The following NRXN1 variants were observed in gnomAD, a reference collection of about 807,000 sequenced individuals.
NRXN1 encodes the protein neurexin 1.
A neutral mutation model predicts 150.9 loss-of-function variants in NRXN1; 39 were observed. That is an observed-to-expected ratio of 0.26 (90% confidence interval 0.20 to 0.34). NRXN1 has a LOEUF of 0.34. NRXN1 is among the 10% of genes least tolerant of loss of function. NRXN1 has a pLI of 1.00. For missense variants in NRXN1, 1,815 were observed against 1,949.9 expected (o/e 0.93, Z 1.30); for synonymous variants, 924 against 757.0 (o/e 1.22, Z -3.62).
chr2:50,231,963 G>C (rs1472708324), intron 18 of NRXN1, among the ~76,000 whole-genome samples: 2 of 152,028 alleles, frequency 1.3e-5, no homozygotes, highest in East Asian at 3.9e-4. Context: ...ACTTAAACAT[G>C]TCTTGTGTAA....
chr2:50,509,148 G>A (rs960461614), intron 12 of NRXN1, among the ~76,000 whole-genome samples: 3 of 152,184 alleles, frequency 2.0e-5, no homozygotes, highest in African/African-American at 4.8e-5. Context: ...AAAAGTGGTA[G>A]AACCAAGTTT....
At chr2:50,107,539 ATTTT>A (rs1230095218) in intron 18 of NRXN1, among the ~76,000 whole-genome samples, 2 of 129,876 alleles carry the variant, frequency 1.5e-5, no homozygotes, top group Non-Finnish European at 3.2e-5. Context: ...ATATATATAT[ATTTT>A]TTTTTTTTAC....
intron 5 of NRXN1, among the ~76,000 whole-genome samples, chr2:50,714,297 G>C (rs1695578001): frequency 1.3e-5 from 2 of 152,132 alleles, no homozygotes; most frequent in South Asian, 4.1e-4. Context: ...CATTCAGCCA[G>C]AGGGAGGAGA....
intron 8 of NRXN1, among the ~76,000 whole-genome samples, chr2:50,593,014 G>T (rs760936815): frequency 3.9e-5 from 6 of 152,160 alleles, no homozygotes; most frequent in Non-Finnish European, 7.3e-5. Context: ...AAAGCCCCTG[G>T]CATAGGCCAA....
intron 5 of NRXN1, among the ~76,000 whole-genome samples, chr2:50,712,229 A>G (rs1312803629): frequency 6.6e-6 from 1 of 152,178 alleles, no homozygotes; most frequent in Non-Finnish European, 1.5e-5. Context: ...TATAAACATC[A>G]GGTTCCAAGT....
Position 50,187,501 on chromosome 2 carries a change from G to A in NRXN1, c.3546+49288C>T, listed in dbSNP as rs114013826. ...GCCTTTTTCTTTAAAAAAAATAGTGGTAGTTTGAAATCAGGTAGCATGATG... is the reference window on the plus strand; with the variant it reads ...GCCTTTTTCTTTAAAAAAAATAGTGATAGTTTGAAATCAGGTAGCATGATG... On this transcript the variant is annotated intron_variant, in intron 18 of 22. Coordinates refer to ENST00000401669, the MANE Select transcript of NRXN1 (RefSeq NM_001330078.2). 4.9e-3 allele frequency among the ~76,000 whole-genome samples: 739 copies of A among 151,926 alleles called. 5 individuals are homozygous for A. Among genetic ancestry groups the A allele is most frequent in the Non-Finnish European group, 7.5e-3 (512 of 67,862 alleles).
chr2:50,012,541 A>T (rs1685878739), intron 21 of NRXN1, among the ~76,000 whole-genome samples: 1 of 152,066 alleles, frequency 6.6e-6, no homozygotes, highest in Admixed American at 6.6e-5. Flanking sequence ...GCATTTTGAA[A>T]ATTTTGTCCT....
At chr2:50,936,205 C>T (rs960397272) in intron 2 of NRXN1, among the ~76,000 whole-genome samples, 2 of 152,220 alleles carry the variant, frequency 1.3e-5, no homozygotes, top group Non-Finnish European at 2.9e-5. Flanking sequence ...CAGCACCATG[C>T]TCTAACCAAC....
At chr2:49,996,332 C>G (rs1682997201) in intron 21 of NRXN1, among the ~76,000 whole-genome samples, 1 of 152,082 alleles carries the variant, frequency 6.6e-6, no homozygotes, top group Admixed American at 6.6e-5. Flanking sequence ...ATGGGATAAG[C>G]AAGGACATTA....
At chr2:50,771,062 C>T (rs1029185637) in intron 5 of NRXN1, among the ~76,000 whole-genome samples, 1 of 152,048 alleles carries the variant, frequency 6.6e-6, no homozygotes, top group Non-Finnish European at 1.5e-5. Flanking sequence ...GCCATAGTAT[C>T]ATCAGAGGAA....
At chr2:50,649,257 C>A (rs866608279) in intron 5 of NRXN1, among the ~76,000 whole-genome samples, 4 of 92,620 alleles carry the variant, frequency 4.3e-5, no homozygotes, top group Non-Finnish European at 8.9e-5. Flanking sequence ...CACATACACA[C>A]ATACACACAC....
intron 5 of NRXN1, among the ~76,000 whole-genome samples, chr2:50,830,174 A>G (rs1343805019): frequency 1.3e-5 from 2 of 152,210 alleles, no homozygotes; most frequent in East Asian, 1.9e-4. Flanking sequence ...GCTCTTCAAT[A>G]GATTCAGCTA....
intron 21 of NRXN1, among the ~76,000 whole-genome samples, chr2:49,948,351 TC>T (rs1673324608): frequency 6.6e-6 from 1 of 152,090 alleles, no homozygotes; most frequent in Non-Finnish European, 1.5e-5. Flanking sequence ...ACAAAAGATG[TC>T]ATACAATGGT....
chr2:50,762,995 A>T (rs1043453182), intron 5 of NRXN1, among the ~76,000 whole-genome samples: 1 of 151,926 alleles, frequency 6.6e-6, no homozygotes, highest in Non-Finnish European at 1.5e-5. Context: ...TTATAACTAA[A>T]TAGGCTACTT....
chr2:50,714,582 T>C (rs1695616340), intron 5 of NRXN1, among the ~76,000 whole-genome samples: 1 of 152,124 alleles, frequency 6.6e-6, no homozygotes, highest in African/African-American at 2.4e-5. Flanking sequence ...ATTGGTTCAT[T>C]TTATAGCACC....
Position 50,220,309 on chromosome 2 carries a change from A to C in NRXN1, c.3546+16480T>G, listed in dbSNP as rs143411197. ...TGAACTAGGGTGGATTGTTAAGACC[A>C]AGACAGAGTGTGCATAATAACCTTG... On this transcript the variant is annotated intron_variant, in intron 18 of 22. Transcript: ENST00000401669. Among the ~76,000 whole-genome samples, 1,328 of 151,938 alleles carry C rather than the reference A, an allele frequency of 8.7e-3. 12 individuals are homozygous for C. Among genetic ancestry groups the C allele is most frequent in the African/African-American group, 0.028 (1,164 of 41,492 alleles).
intron 5 of NRXN1, among the ~76,000 whole-genome samples, chr2:50,638,770 T>G (rs1354191008): frequency 6.6e-6 from 1 of 152,198 alleles, no homozygotes; most frequent in Non-Finnish European, 1.5e-5. Context: ...TTGATATATT[T>G]TATAGCCCAT....
chr2:49,998,011 G>C (rs550959033), intron 21 of NRXN1, among the ~76,000 whole-genome samples: 3 of 152,162 alleles, frequency 2.0e-5, no homozygotes, highest in Non-Finnish European at 2.9e-5. Context: ...TGCTAAAAGA[G>C]AGCCAGGTCA....
intron 2 of NRXN1, among the ~76,000 whole-genome samples, chr2:50,951,806 T>C (rs1340589141): frequency 6.6e-6 from 1 of 151,466 alleles, no homozygotes; most frequent in African/African-American, 2.4e-5. Flanking sequence ...TTTCCTCATA[T>C]TTTTCCTTCA....
Sources: allele counts gnomAD v4.1 joint callset (sites outside exome capture counted in the v4.1 genomes callset), GRCh38; gene constraint gnomAD v4.1.1; transcripts MANE v1.5; gene names NCBI Gene and HGNC (gene_info 2026-07-23, HGNC 2026-07-21).